The following WDR90 variants were observed in gnomAD, a reference collection of about 807,000 sequenced individuals.
WDR90 encodes the protein WD repeat domain 90.
A neutral mutation model predicts 195.2 loss-of-function variants in WDR90; 238 were observed. The ratio of observed to expected loss-of-function variants is 1.22; its 90% CI spans 1.10 to 1.36. The LOEUF (loss-of-function observed/expected upper bound fraction) is 1.36, where lower values mean the gene tolerates loss of function less well. WDR90 is among the 40% of genes most tolerant of loss of function. WDR90 has a pLI of 0.00. For synonymous variants in WDR90, 1,265 were observed against 1,052.4 expected (o/e 1.20, Z -3.91); for missense variants, 2,734 against 2,439.5 (o/e 1.12, Z -2.54).
rs763050053 is a variant in WDR90 at position 649,866 on chromosome 16, G to T, written c.102+12G>T. 1 of 1,576,882 alleles carries T rather than the reference G, an allele frequency of 6.3e-7. No homozygotes were observed. Among genetic ancestry groups the T allele is most frequent in the Admixed American group, 1.8e-5 (1 of 54,244 alleles). Reference sequence around the variant, plus strand: ...TGGCCGTGGTCACGGTAGGCGGCCGGGGGCTCGCCCGGAGCCCACACCCCT... The same window carrying T: ...TGGCCGTGGTCACGGTAGGCGGCCGTGGGCTCGCCCGGAGCCCACACCCCT... On this transcript the variant is annotated intron_variant, in intron 2 of 40. Coordinates refer to ENST00000293879, the MANE Select transcript of WDR90 (RefSeq NM_145294.5).
At chr16:658,844 G>C (rs373962041) in intron 23 of WDR90, 52 bp from the exon 24 acceptor site, 399 of 1,599,576 alleles carry the variant, frequency 2.5e-4, no homozygotes, top group Non-Finnish European at 3.2e-4. Flanking sequence ...TGGGCACACG[G>C]CAGCATCCAT....
Position 662,020 on chromosome 16 carries a change from C to T in WDR90, c.3994C>T (p.Arg1332Cys), listed in dbSNP as rs200400782. The change falls in exon 32 of 41, where the codon CGC becomes TGC. Residue 1332 changes from arginine (R) to cysteine (C), a missense_variant. Transcript: ENST00000293879. ...CTGTGTCTGGGACACGCGTGCCGGC[C>T]GCTGCTTCTTGTCCTGGGAGGCGGA... ...QVCVWDTRAGRCFLSWEADDG... is the reference protein window; with the variant it reads ...QVCVWDTRAGCCFLSWEADDG... 2.8e-4 allele frequency: 449 copies of T among 1,603,256 alleles called. 1 individual carries two copies. The highest frequency in any genetic ancestry group is 5.0e-4 in the Middle Eastern group (3 of 6,056).
At position 656,303 on chromosome 16, in the gene WDR90, G is replaced by A. The variant is rs1404803444; in HGVS notation, c.1968G>A (p.Glu656=). 4 of 1,602,006 alleles carry A rather than the reference G, an allele frequency of 2.5e-6. No individual in the cohort carries two copies. The South Asian group carries it at 4.4e-5, about 18-fold the overall frequency. ...CCCCTGACCCCACCCCACCCACAGA[G>A]CACGAGGGCCCCGTCAGCTCAGTCT... ...LDFSSVLLEA[E]HEGPVSSVCV... is the part of the protein sequence containing the mutation. The change falls in exon 18 of 41, where the codon GAG becomes GAA. Residue 656 remains glutamate (E), a splice_region_variant and synonymous_variant. Coordinates refer to ENST00000293879, the MANE Select transcript of WDR90 (RefSeq NM_145294.5).
intron 22 of WDR90, 45 bp downstream of exon 22, chr16:658,389 T>C (rs760323713): frequency 4.4e-6 from 7 of 1,597,608 alleles, no homozygotes; most frequent in East Asian, 2.2e-5. Flanking sequence ...CTCCCTGTGC[T>C]GTCCAGGCCT....
intron 26 of WDR90, 25 bp from the exon 27 acceptor site, chr16:660,033 A>G: frequency 6.6e-7 from 1 of 1,519,610 alleles, no homozygotes; most frequent in South Asian, 1.2e-5. Flanking sequence ...GTGTAATGCC[A>G]CAAGCTCTGC....
At chr16:650,834 G>C in intron 5 of WDR90, 125 bp downstream of exon 5, 2 of 1,494,538 alleles carry the variant, frequency 1.3e-6, no homozygotes, top group South Asian at 2.5e-5. Flanking sequence ...GCTCTGGCCA[G>C]AACCCATCCC....
At chr16:656,965 C>T (rs978126758) in intron 19 of WDR90, 94 bp downstream of exon 19, 3 of 1,556,050 alleles carry the variant, frequency 1.9e-6, no homozygotes, top group African/African-American at 1.4e-5. Context: ...CCAGTGCTGG[C>T]TGGAGCCCCA....
chr16:661,103 T>C lies in WDR90; in HGVS notation c.3444T>C (p.Ser1148=), dbSNP rs775002030. Residue 1148 remains serine, a synonymous_variant, in exon 29 of 41, where the codon TCT becomes TCC. Coordinates refer to ENST00000293879, the MANE Select transcript of WDR90 (RefSeq NM_145294.5). ...GRLVVVEDLH[S]GAQQHWSGHS... ...TGGTGGTGGTGGAGGACCTGCACTC[T>C]GGCGCCCAGCAGCACTGGTCCGGCC... 3.9e-6 allele frequency: 6 copies of C among 1,531,986 alleles called. No individual in the cohort carries two copies. The South Asian group carries it at 4.7e-5, about 12-fold the overall frequency. 94.9% of individuals were successfully genotyped at this position (1,531,986 alleles called of 1,614,324 possible).
chr16:667,243 C>T (rs1422371473), intron 40 of WDR90, among the ~76,000 whole-genome samples, 189 bp from the exon 41 acceptor site: 1 of 152,224 alleles, frequency 6.6e-6, no homozygotes, highest in African/African-American at 2.4e-5. Flanking sequence ...GGCCCAGCTG[C>T]AGGCCGACAG....
In WDR90 at chr16:662,057, T is replaced by C. The variant is rs575730715; in HGVS notation, c.4031T>C (p.Ile1344Thr). 1 of 1,600,738 alleles carries C rather than the reference T, an allele frequency of 6.2e-7. No individual in the cohort carries two copies. The highest frequency in any genetic ancestry group is 1.3e-5 in the African/African-American group (1 of 75,022). Residue 1344 changes from isoleucine to threonine, a missense_variant and splice_region_variant, in exon 32 of 41, where the codon ATT becomes ACT. Physicochemically the swap from Ile to Thr is moderately conservative, Grantham distance 89. Transcript: ENST00000293879. ...TCCTGGGAGGCGGATGACGGTGGCA[T>C]TGGTGAGTGCCCCGCAGAAGCCCTG... Reference protein sequence around the residue: ...FLSWEADDGGIGLLLFSGSRL... With the variant: ...FLSWEADDGGTGLLLFSGSRL...
rs772951471 is a variant in WDR90 at position 666,469 on chromosome 16, G to A, written c.4755G>A (p.Gly1585=). The change falls in exon 38 of 41, where the codon GGG becomes GGA. Residue 1585 remains glycine, a synonymous_variant. Transcript: ENST00000293879. ...CVTCKECEDL[G]VEGTDLWLAA... ...TCCATTCCCAGTGTGAAGACTTAGGGGTGGAGGGCACAGACCTATGGCTGG... is the reference window on the plus strand; with the variant it reads ...TCCATTCCCAGTGTGAAGACTTAGGAGTGGAGGGCACAGACCTATGGCTGG... 8 of 1,612,260 alleles carry A rather than the reference G, an allele frequency of 5.0e-6. No homozygotes were observed. The highest frequency in any genetic ancestry group is 4.5e-5 in the East Asian group (2 of 44,880).
intron 8 of WDR90, 34 bp downstream of exon 8, chr16:651,781 G>A (rs1475520593): frequency 1.2e-6 from 2 of 1,612,422 alleles, no homozygotes; most frequent in Admixed American, 1.7e-5. Context: ...AGATGGGGTT[G>A]GGGTGTGATG....
chr16:654,160 C>T (rs912477397), intron 13 of WDR90: 20 of 328,368 alleles, frequency 6.1e-5, no homozygotes, highest in Non-Finnish European at 9.4e-5. Flanking sequence ...TCCACACAGC[C>T]GAAGCACCCG....
chr16:658,508 A>G lies in WDR90; in HGVS notation c.2767-17A>G, dbSNP rs2037810978. 6.3e-7 allele frequency: 1 copy of G among 1,599,748 alleles called. No individual in the cohort carries two copies. Among genetic ancestry groups the G allele is most frequent in the Non-Finnish European group, 8.5e-7 (1 of 1,169,860 alleles). On this transcript the variant is annotated splice_polypyrimidine_tract_variant and intron_variant, in intron 22 of 40. Coordinates refer to ENST00000293879, the MANE Select transcript of WDR90 (RefSeq NM_145294.5). Reference sequence around the variant, plus strand: ...CTCTCCTGAGACACGGCATTTCCCAAGAGCACTGTGTTCCAGCTGCCCGGT... The same window carrying G: ...CTCTCCTGAGACACGGCATTTCCCAGGAGCACTGTGTTCCAGCTGCCCGGT...
chr16:650,305 T>A lies in WDR90; in HGVS notation c.331T>A (p.Ser111Thr). The change falls in exon 4 of 41, where the codon TCT becomes ACT. Residue 111 changes from serine to threonine, a missense_variant. Coordinates refer to ENST00000293879, the MANE Select transcript of WDR90 (RefSeq NM_145294.5). ...CTCCAACCTCTTCAAGGAGTTTAAG[T>A]CTACGGCCACGTGGCTCCAGTTTCC... ...SFSNLFKEFKSTATWLQFPLV... is the reference protein window; with the variant it reads ...SFSNLFKEFKTTATWLQFPLV... 3.1e-6 allele frequency: 5 copies of A among 1,612,984 alleles called. No individual in the cohort carries two copies. Among genetic ancestry groups the A allele is most frequent in the Non-Finnish European group, 4.2e-6 (5 of 1,179,982 alleles).
intron 34 of WDR90, chr16:663,312 C>T (rs1015728957): frequency 6.1e-6 from 2 of 328,254 alleles, no homozygotes; most frequent in African/African-American, 2.2e-5. Flanking sequence ...TTGATGTATA[C>T]CTGTAATCCC....
rs775965237 is a variant in WDR90 at position 660,028 on chromosome 16, A to G, written c.3185-30A>G. 5.3e-6 allele frequency: 8 copies of G among 1,501,576 alleles called. 1 individual carries two copies. The highest frequency in any genetic ancestry group is 2.8e-5 in the African/African-American group (2 of 72,198). 93.0% of individuals were successfully genotyped at this position (1,501,576 alleles called of 1,614,324 possible). A position where few individuals can be genotyped will look rare whatever the true frequency, so the allele number is the denominator to read the frequency against. On this transcript the variant is annotated intron_variant, in intron 26 of 40. Transcript: ENST00000293879. ...TCTCTGAAGAGCTCAGGGCAGTGTA[A>G]TGCCACAAGCTCTGCCTCCTCCCTG...
In WDR90 at chr16:661,781, C is replaced by G. The variant is rs759098790; in HGVS notation, c.3858C>G (p.Ser1286Arg). The stretch of plus-strand genomic sequence containing the variant: ...TTCAGCAGCGTGGGGCAGACATCAG[C>G]CTTCAGGTGCCACCCGTTCAGCGTT... ...WLLQQRGADI[S>R]LQVRREPVPE... Residue 1286 changes from serine (S) to arginine (R), a missense_variant, in exon 31 of 41, where the codon AGC becomes AGG. Ser to Arg is a moderately radical substitution (Grantham distance 110). Transcript: ENST00000293879. The G allele has an allele frequency of 6.3e-7, 1 of 1,597,988 alleles. No homozygotes were observed. The highest frequency in any genetic ancestry group is 8.5e-7 in the Non-Finnish European group (1 of 1,170,806).
chr16:652,144 C>T (rs992398169), intron 9 of WDR90, 105 bp downstream of exon 9: 3 of 1,324,740 alleles, frequency 2.3e-6, no homozygotes, highest in Non-Finnish European at 2.1e-6. Flanking sequence ...CCAACGGTCT[C>T]CTCTTGTTCA....
Sources: allele counts gnomAD v4.1 joint callset (sites outside exome capture counted in the v4.1 genomes callset), GRCh38; gene constraint gnomAD v4.1.1; transcripts MANE v1.5; gene names NCBI Gene and HGNC (gene_info 2026-07-23, HGNC 2026-07-21).